Variants in PLA2G4E observed in about 807,000 individuals in gnomAD.
PLA2G4E encodes phospholipase A2 group IVE.
PLA2G4E carries 84 observed loss-of-function variants against 109.1 expected under a neutral mutation model. The observed-to-expected ratio is 0.77, with a 90% confidence interval of 0.65 to 0.92. The LOEUF is 0.92. PLA2G4E is among the 40% of genes least tolerant of loss of function. The pLI, the probability that PLA2G4E is intolerant of heterozygous loss-of-function variation, is 0.00. For synonymous variants in PLA2G4E, 469 were observed against 436.1 expected (o/e 1.08, Z -0.94); for missense variants, 1,057 against 1,076.6 (o/e 0.98, Z 0.25).
At chr15:42,003,311 T>C (rs1259679274) in intron 5 of PLA2G4E, among the ~76,000 whole-genome samples, 1 of 152,144 alleles carries the variant, frequency 6.6e-6, no homozygotes, top group African/African-American at 2.4e-5. Context: ...CAGGCTGGAG[T>C]GCAATGGCAC....
At chr15:42,020,597 G>C (rs375856716) in intron 1 of PLA2G4E, among the ~76,000 whole-genome samples, 3 of 150,086 alleles carry the variant, frequency 2.0e-5, no homozygotes, top group Non-Finnish European at 3.0e-5. Flanking sequence ...CTTGCCATTA[G>C]GGCAGGCCAA....
intron 1 of PLA2G4E, 38 bp from the exon 2 acceptor site, chr15:42,013,795 A>G: frequency 1.3e-6 from 2 of 1,522,996 alleles, no homozygotes; most frequent in South Asian, 1.2e-5. Flanking sequence ...GTCTTCAAGC[A>G]TTACTCCAAG....
At chr15:41,990,089 C>T in intron 14 of PLA2G4E, 32 bp downstream of exon 14, 2 of 1,585,688 alleles carry the variant, frequency 1.3e-6, no homozygotes, top group Non-Finnish European at 1.7e-6. Context: ...CCCCCTCCAC[C>T]CCACTTGTAA....
chr15:41,989,646 C>G (rs1361604960), intron 14 of PLA2G4E, 94 bp from the exon 15 acceptor site: 11 of 1,481,384 alleles, frequency 7.4e-6, no homozygotes, highest in Non-Finnish European at 9.9e-6. Context: ...CTGGCTCAGG[C>G]CTTGGAAAGC....
chr15:42,007,586 T>C (rs1566842533), intron 3 of PLA2G4E, 143 bp downstream of exon 3: 1 of 1,033,950 alleles, frequency 9.7e-7, no homozygotes, highest in Non-Finnish European at 1.4e-6. Context: ...TGGGTGTGAG[T>C]GGGAAGACAG....
chr15:42,011,641 G>A (rs1461491678), intron 2 of PLA2G4E, among the ~76,000 whole-genome samples: 1 of 152,020 alleles, frequency 6.6e-6, no homozygotes, highest in African/African-American at 2.4e-5. Context: ...GAGATGGGAG[G>A]ATCACCTGAG....
intron 6 of PLA2G4E, among the ~76,000 whole-genome samples, chr15:42,001,600 A>G (rs999125862): frequency 1.3e-5 from 2 of 152,196 alleles, no homozygotes; most frequent in Non-Finnish European, 2.9e-5. Context: ...TTTGCCACAC[A>G]TTCCCAAAGA....
At chr15:42,043,239 C>A (rs1362669793) in intron 1 of PLA2G4E, among the ~76,000 whole-genome samples, 2 of 152,240 alleles carry the variant, frequency 1.3e-5, no homozygotes, top group South Asian at 4.1e-4. Flanking sequence ...GTGGGAGAGG[C>A]CTTCCGGAGG....
chr15:42,002,047 C>T (rs1436254322), intron 6 of PLA2G4E, among the ~76,000 whole-genome samples: 1 of 152,144 alleles, frequency 6.6e-6, no homozygotes, highest in African/African-American at 2.4e-5. Context: ...CAGTAGCTCA[C>T]ACCTGTAATC....
intron 1 of PLA2G4E, among the ~76,000 whole-genome samples, chr15:42,036,799 G>C (rs911832337): frequency 2.6e-5 from 4 of 152,210 alleles, no homozygotes; most frequent in Non-Finnish European, 4.4e-5. Context: ...CCGGGGAGCA[G>C]GCAACAGCCC....
At position 42,006,012 on chromosome 15, in the gene PLA2G4E, A is replaced by G. The variant is rs184421470; in HGVS notation, c.503T>C (p.Val168Ala). Reference sequence around the variant, plus strand: ...CACCTGCGGGTTGAGTGGAAACTTCACGTGGGTTTTCTTTCGGAAACAGAG... The same window carrying G: ...CACCTGCGGGTTGAGTGGAAACTTCGCGTGGGTTTTCTTTCGGAAACAGAG... The change falls in exon 4 of 20, where the codon GTG becomes GCG. Residue 168 changes from valine (V) to alanine (A), a missense_variant. Physicochemically the swap from Val to Ala is moderately conservative, Grantham distance 64 (BLOSUM62 0). Transcript: ENST00000399518. 4.3e-6 allele frequency: 7 copies of G among 1,613,960 alleles called. No individual in the cohort carries two copies. The East Asian group carries it at 1.6e-4, about 36-fold the overall frequency.
chr15:42,027,431 AT>A (rs566371757), intron 1 of PLA2G4E, among the ~76,000 whole-genome samples: 16 of 151,988 alleles, frequency 1.1e-4, no homozygotes, highest in African/African-American at 3.6e-4. Flanking sequence ...CAGGTGAGAT[AT>A]TTTTTTCCCT....
At chr15:42,048,093 T>C (rs1889445658) in intron 1 of PLA2G4E, among the ~76,000 whole-genome samples, 1 of 152,222 alleles carries the variant, frequency 6.6e-6, no homozygotes, top group Non-Finnish European at 1.5e-5. Context: ...GATCAGAATA[T>C]ACTTTTTTTA....
intron 7 of PLA2G4E, 68 bp downstream of exon 7, chr15:42,001,089 G>T: frequency 6.7e-7 from 1 of 1,491,276 alleles, no homozygotes; most frequent in South Asian, 1.1e-5. Flanking sequence ...GGTGGAGTCT[G>T]ATGCTGATGG....
intron 5 of PLA2G4E, among the ~76,000 whole-genome samples, chr15:42,003,081 C>A (rs1011204740): frequency 1.3e-5 from 2 of 152,234 alleles, no homozygotes; most frequent in Non-Finnish European, 2.9e-5. Flanking sequence ...GATCCATTCT[C>A]CATTCTGTGC....
intron 16 of PLA2G4E, among the ~76,000 whole-genome samples, chr15:41,987,659 C>A (rs2068165353): frequency 6.6e-6 from 1 of 152,090 alleles, no homozygotes; most frequent in Non-Finnish European, 1.5e-5. Flanking sequence ...CTGCTATAGA[C>A]CCTACTCTCC....
chr15:42,006,011 C>G lies in PLA2G4E; in HGVS notation c.504G>C (p.Val168=), dbSNP rs755483100. Residue 168 remains valine, a synonymous_variant, in exon 4 of 20, where the codon GTG becomes GTC. Transcript: ENST00000399518. Reference sequence around the variant, plus strand: ...CCACCTGCGGGTTGAGTGGAAACTTCACGTGGGTTTTCTTTCGGAAACAGA... The same window carrying G: ...CCACCTGCGGGTTGAGTGGAAACTTGACGTGGGTTTTCTTTCGGAAACAGA... The G allele has an allele frequency of 1.5e-5, 25 of 1,613,836 alleles. No homozygotes were observed. In the Admixed American group the frequency reaches 3.7e-4, roughly 24 times the overall value.
At chr15:41,987,316 C>A (rs139736473) in exon 17 of PLA2G4E, 9 of 1,613,884 alleles carry the variant, frequency 5.6e-6, no homozygotes, top group Non-Finnish European at 7.6e-6. Context: ...GGGATCACTA[C>A]CGTGGTCTCC....
intron 4 of PLA2G4E, 69 bp from the exon 5 acceptor site, chr15:42,005,047 C>A: frequency 6.3e-7 from 1 of 1,579,370 alleles, no homozygotes; most frequent in Non-Finnish European, 8.6e-7. Flanking sequence ...GAACCCTTTG[C>A]CACCCTGGGA....
Sources: gnomAD v4.1 joint callset for allele counts (sites outside exome capture counted in the v4.1 genomes callset) on GRCh38, gnomAD v4.1.1 for gene constraint, MANE v1.5 for transcripts, NCBI Gene and HGNC (gene_info 2026-07-23, HGNC 2026-07-21) for gene names.